KCNQ4: variants seen among roughly 807,000 people sequenced by gnomAD.
The protein encoded by KCNQ4 is potassium voltage-gated channel subfamily KQT member 4.
KCNQ4 carries 31 observed loss-of-function variants against 72.6 expected under a neutral mutation model. That is an observed-to-expected ratio of 0.43 (90% CI 0.32 to 0.58). The LOEUF (loss-of-function observed/expected upper bound fraction) is 0.58, where lower values mean the gene tolerates loss of function less well. Ranked by LOEUF, KCNQ4 falls within the 20% of genes least tolerant of loss-of-function variation. KCNQ4 has a pLI of 0.08. For synonymous variants in KCNQ4, 405 were observed against 403.7 expected, an observed-to-expected ratio of 1.00 and a Z score of -0.04; for missense variants, 869 against 962.6, an observed-to-expected ratio of 0.90 and a Z score of 1.29.
chr1:40,831,077 C>A lies in KCNQ4; in HGVS notation c.1293-7C>A. The A allele has an allele frequency of 6.4e-7, 1 of 1,573,736 alleles. No individual in the cohort carries two copies. Among genetic ancestry groups the A allele is most frequent in the Non-Finnish European group, 8.6e-7 (1 of 1,159,322 alleles). On this transcript the variant is annotated splice_region_variant and splice_polypyrimidine_tract_variant and intron_variant, in intron 9 of 13. Coordinates refer to ENST00000347132, the MANE Select transcript of KCNQ4 (RefSeq NM_004700.4). Reference sequence around the variant, plus strand: ...TTGGCTCTCTCCCAACCTGCCTGCCCTGCCAGCAGCCGGATGGGCATCAAA... The same window carrying A: ...TTGGCTCTCTCCCAACCTGCCTGCCATGCCAGCAGCCGGATGGGCATCAAA...
chr1:40,804,507 C>T (rs1051695529), intron 1 of KCNQ4, among the ~76,000 whole-genome samples: 7 of 152,148 alleles, frequency 4.6e-5, no homozygotes, highest in African/African-American at 1.7e-4. Flanking sequence ...CTTGCCACTT[C>T]CGCTTCCCCT....
rs1269147860 is a variant in KCNQ4 at position 40,803,469 on chromosome 1, C to T, written c.315-13796C>T. The stretch of plus-strand genomic sequence containing the variant: ...TGCCCCCCAATCCTGACACCTCTCT[C>T]ACAGCCACCACTCAGGATCCTGCCT... On this transcript the variant is annotated intron_variant, in intron 1 of 13. Transcript: ENST00000347132. Among the ~76,000 whole-genome samples, 4 of 152,338 alleles carry T rather than the reference C, an allele frequency of 2.6e-5. No individual in the cohort carries two copies. The East Asian group carries it at 7.7e-4, about 29-fold the overall frequency.
At chr1:40,829,736 T>C (rs1648581870) in intron 9 of KCNQ4, among the ~76,000 whole-genome samples, 1 of 152,116 alleles carries the variant, frequency 6.6e-6, no homozygotes. Flanking sequence ...GCTGGTACTC[T>C]CTTGATCTGG....
At chr1:40,832,321 C>T (rs781427977) in intron 10 of KCNQ4, among the ~76,000 whole-genome samples, 1 of 152,198 alleles carries the variant, frequency 6.6e-6, no homozygotes, top group Non-Finnish European at 1.5e-5. Context: ...CAAGATGCTG[C>T]TGGCTGACAC....
rs772605872 is a variant in KCNQ4 at position 40,818,253 on chromosome 1, TCGCTTC to T, written c.501_506del (p.Arg168_Phe169del). The T allele has an allele frequency of 1.2e-6, 2 of 1,613,880 alleles. No homozygotes were observed. Among genetic ancestry groups the T allele is most frequent in the South Asian group, 2.2e-5 (2 of 91,072 alleles). ...GCTGCCGCTACCGAGGATGGCAGGGTCGCTTCCGCTTTGCCAGAAAGCCCTTCTGTG... is the reference window on the plus strand; with the variant it reads ...GCTGCCGCTACCGAGGATGGCAGGGTCGCTTTGCCAGAAAGCCCTTCTGTG... On this transcript the variant is annotated inframe_deletion, in exon 3 of 14. Coordinates refer to ENST00000347132, the MANE Select transcript of KCNQ4 (RefSeq NM_004700.4).
In KCNQ4 at chr1:40,784,348, C is replaced by G. The variant is rs772740345; in HGVS notation, c.255C>G (p.Asn85Lys). The G allele has an allele frequency of 5.6e-6, 9 of 1,610,100 alleles. No individual in the cohort carries two copies. The Admixed American group carries it at 6.7e-5, about 12-fold the overall frequency. The stretch of plus-strand genomic sequence containing the variant: ...ACAAGCGCTACCGCCGCCTGCAGAA[C>G]TGGGTCTACAACGTGCTGGAGCGGC... ...AAHKRYRRLQ[N>K]WVYNVLERPR... The change falls in exon 1 of 14, where the codon AAC becomes AAG. Residue 85 changes from asparagine (N) to lysine (K), a missense_variant. Coordinates refer to ENST00000347132, the MANE Select transcript of KCNQ4 (RefSeq NM_004700.4). The surrounding 1 kb of genome is among the most constrained non-coding windows in gnomAD (Gnocchi z 4.1).
chr1:40,803,167 G>A (rs1002676240), intron 1 of KCNQ4, among the ~76,000 whole-genome samples: 1 of 152,152 alleles, frequency 6.6e-6, no homozygotes, highest in Non-Finnish European at 1.5e-5. Context: ...CTCTTCTGGG[G>A]ACTCCCAGAA....
chr1:40,829,667 G>A (rs1432593800), intron 9 of KCNQ4, among the ~76,000 whole-genome samples: 4 of 152,162 alleles, frequency 2.6e-5, no homozygotes, highest in Admixed American at 6.5e-5. Flanking sequence ...GCCTCTGAGA[G>A]TAGGTGACAC....
At chr1:40,828,807 A>T (rs1243758114) in intron 9 of KCNQ4, among the ~76,000 whole-genome samples, 2 of 152,230 alleles carry the variant, frequency 1.3e-5, no homozygotes. Flanking sequence ...AGGAGCTGAT[A>T]TGAGCCATTT....
At chr1:40,837,945 C>A in intron 13 of KCNQ4, 151 bp downstream of exon 13, 1 of 1,108,158 alleles carries the variant, frequency 9.0e-7, no homozygotes. Context: ...CCGCCCTCGC[C>A]GCCAGACATT....
In KCNQ4 at chr1:40,784,355, T is replaced by C. The variant is rs1429420446; in HGVS notation, c.262T>C (p.Tyr88His). Reference sequence around the variant, plus strand: ...CTACCGCCGCCTGCAGAACTGGGTCTACAACGTGCTGGAGCGGCCCCGCGG... The same window carrying C: ...CTACCGCCGCCTGCAGAACTGGGTCCACAACGTGCTGGAGCGGCCCCGCGG... Reference protein sequence around the residue: ...KRYRRLQNWVYNVLERPRGWA... With the variant: ...KRYRRLQNWVHNVLERPRGWA... Residue 88 changes from tyrosine to histidine, a missense_variant, in exon 1 of 14, where the codon TAC becomes CAC. Coordinates refer to ENST00000347132, the MANE Select transcript of KCNQ4 (RefSeq NM_004700.4). This position sits in a 1 kb window ranked among gnomAD's most constrained non-coding sequence, Gnocchi z 4.1. 1 of 1,610,026 alleles carries C rather than the reference T, an allele frequency of 6.2e-7. No homozygotes were observed. The highest frequency in any genetic ancestry group is 8.5e-7 in the Non-Finnish European group (1 of 1,179,366).
chr1:40,825,381 G>A (rs1648444945), intron 9 of KCNQ4, among the ~76,000 whole-genome samples: 1 of 152,226 alleles, frequency 6.6e-6, no homozygotes, highest in Admixed American at 6.5e-5. Context: ...TTCTGAACCT[G>A]TGTGTCCTGG....
chr1:40,836,462 G>T (rs78073908), intron 12 of KCNQ4, among the ~76,000 whole-genome samples: 2 of 152,126 alleles, frequency 1.3e-5, no homozygotes, highest in African/African-American at 4.8e-5. Flanking sequence ...GAATAGAGAA[G>T]TGTGGAGTGC....
chr1:40,825,189 C>T (rs1327491036), intron 9 of KCNQ4, among the ~76,000 whole-genome samples: 1 of 152,158 alleles, frequency 6.6e-6, no homozygotes, highest in Non-Finnish European at 1.5e-5. Flanking sequence ...CTCATCTTCA[C>T]ACATCACCCC....
At chr1:40,799,459 C>T (rs958277496) in intron 1 of KCNQ4, among the ~76,000 whole-genome samples, 5 of 151,902 alleles carry the variant, frequency 3.3e-5, no homozygotes, top group African/African-American at 7.3e-5. Flanking sequence ...GCAGTAAACA[C>T]TGCCGTCGCC....
chr1:40,784,113 GC>G lies in KCNQ4; in HGVS notation c.22del (p.Arg8AlafsTer16). ...CCGCCCATGGCCGAGGCCCCCCCGC[GC>G]CGCCTCGGCCTGGGTCCCCCGCCCG... MAEAPPRRLGLGPPPGD... is the reference protein window; with the variant it reads MAEAPPXRLGLGPPPGD... On this transcript the variant is annotated frameshift_variant, in exon 1 of 14. Coordinates refer to ENST00000347132, the MANE Select transcript of KCNQ4 (RefSeq NM_004700.4). LOFTEE classifies it high-confidence loss of function. This position sits in a 1 kb window ranked among gnomAD's most constrained non-coding sequence, Gnocchi z 4.1. The G allele has an allele frequency of 1.4e-6, 1 of 692,988 alleles. No individual in the cohort carries two copies. The highest frequency in any genetic ancestry group is 1.8e-6 in the Non-Finnish European group (1 of 560,812). 42.9% of individuals were successfully genotyped at this position (692,988 alleles called of 1,614,324 possible). A position where few individuals can be genotyped will look rare whatever the true frequency, so the allele number is the denominator to read the frequency against.
At position 40,837,773 on chromosome 1, in the gene KCNQ4, C is replaced by T. The variant is rs376579112; in HGVS notation, c.1854C>T (p.Arg618=). 1.1e-5 allele frequency: 17 copies of T among 1,610,088 alleles called. No homozygotes were observed. The East Asian group carries it at 1.1e-4, about 11-fold the overall frequency. ...EVVDEISMMG[R]VVKVEKQVQS... is the part of the protein sequence containing the mutation. ...TGGATGAAATCAGCATGATGGGACGCGTGGTCAAGGTGGAGAAGCAGGTGA... is the reference window on the plus strand; with the variant it reads ...TGGATGAAATCAGCATGATGGGACGTGTGGTCAAGGTGGAGAAGCAGGTGA... The change falls in exon 13 of 14, where the codon CGC becomes CGT. Residue 618 remains arginine, a synonymous_variant. Transcript: ENST00000347132.
At chr1:40,793,266 C>T (rs1647323420) in intron 1 of KCNQ4, among the ~76,000 whole-genome samples, 1 of 152,030 alleles carries the variant, frequency 6.6e-6, no homozygotes. Flanking sequence ...GCCTCGGGAG[C>T]CACCATGGCT....
intron 1 of KCNQ4, among the ~76,000 whole-genome samples, chr1:40,813,237 G>A (rs926072837): frequency 1.3e-5 from 2 of 152,192 alleles, no homozygotes; most frequent in Non-Finnish European, 2.9e-5. Flanking sequence ...GAAGTCCGAC[G>A]AGAGTTTTGT....
Sources: allele counts gnomAD v4.1 joint callset (sites outside exome capture counted in the v4.1 genomes callset), GRCh38; gene constraint gnomAD v4.1.1; non-coding constraint Gnocchi (gnomAD v3.1); transcripts MANE v1.5; gene names NCBI Gene and HGNC (gene_info 2026-07-23, HGNC 2026-07-21).